PXN: variants seen among roughly 807,000 people sequenced by gnomAD.
The protein encoded by PXN is testicular tissue protein Li 134.
Under a neutral mutation model 103.6 loss-of-function variants are expected in PXN, and 61 were observed. The ratio of observed to expected loss-of-function variants is 0.59; its 90% CI spans 0.48 to 0.73. The LOEUF is 0.73. Ranked by LOEUF, PXN falls within the 30% of genes least tolerant of loss-of-function variation. The pLI is 0.00. For synonymous variants in PXN, 562 were observed against 607.8 expected, an observed-to-expected ratio of 0.92 and a Z score of 1.11; for missense variants, 1,274 against 1,460.3, an observed-to-expected ratio of 0.87 and a Z score of 2.08.
At position 120,214,210 on chromosome 12, in the gene PXN, A is replaced by G. The variant is rs777813484; in HGVS notation, c.2756T>C (p.Val919Ala). 9 of 1,551,618 alleles carry G rather than the reference A, an allele frequency of 5.8e-6. No homozygotes were observed. The East Asian group carries it at 2.0e-4, about 34-fold the overall frequency. The change falls in exon 13 of 15, where the codon GTG becomes GCG. Residue 919 changes from valine to alanine, a missense_variant. Val to Ala is a moderately conservative substitution (Grantham distance 64). Coordinates refer to ENST00000637617, the MANE Select transcript of PXN (RefSeq NM_001385981.1). This position sits in a 1 kb window ranked among gnomAD's most constrained non-coding sequence, Gnocchi z 5.0. The part of the protein sequence containing the change: ...YCNGPILDKV[V>A]TALDRTWHPE... ...GTGCCACGTCCGGTCAAGGGCTGTCACCACTTTCTGTGAAAGCAAAATGTG... is the reference window on the plus strand; with the variant it reads ...GTGCCACGTCCGGTCAAGGGCTGTCGCCACTTTCTGTGAAAGCAAAATGTG...
At position 120,211,784 on chromosome 12, in the gene PXN, G is replaced by C. The variant is rs1424998985; in HGVS notation, c.*530C>G. On this transcript the variant is annotated 3_prime_UTR_variant, in exon 15 of 15. Transcript: ENST00000637617. ...GCACTGGAAGGGTAGGAGGAGCACAGAGAACCTTCCATGGCCCCTTTGGTT... is the reference window on the plus strand; with the variant it reads ...GCACTGGAAGGGTAGGAGGAGCACACAGAACCTTCCATGGCCCCTTTGGTT... 2 of 398,660 alleles carry C rather than the reference G, an allele frequency of 5.0e-6. No homozygotes were observed. The highest frequency in any genetic ancestry group is 2.1e-5 in the African/African-American group (1 of 48,120). 24.7% of individuals were successfully genotyped at this position (398,660 alleles called of 1,614,324 possible).
rs886142498 is a variant in PXN at position 120,214,774 on chromosome 12, G to A, written c.2748+51C>T. On this transcript the variant is annotated intron_variant, in intron 12 of 14. Coordinates refer to ENST00000637617, the MANE Select transcript of PXN (RefSeq NM_001385981.1). The surrounding 1 kb of genome is among the most constrained non-coding windows in gnomAD (Gnocchi z 5.0). Reference sequence around the variant, plus strand: ...ACCCCCTGCATCCTCAGAGGGCTGCGGTGAAGCTGGAATGAGCGGAAGCGG... The same window carrying A: ...ACCCCCTGCATCCTCAGAGGGCTGCAGTGAAGCTGGAATGAGCGGAAGCGG... 12 of 1,603,032 alleles carry A rather than the reference G, an allele frequency of 7.5e-6. No homozygotes were observed. The highest frequency in any genetic ancestry group is 5.0e-5 in the Admixed American group (3 of 59,826).
At chr12:120,231,119 CGGATGAGT>C (rs1400628198) in intron 1 of PXN, among the ~76,000 whole-genome samples, 8 of 152,194 alleles carry the variant, frequency 5.3e-5, no homozygotes, top group Non-Finnish European at 1.0e-4. Flanking sequence ...CCAGGCCCAG[CGGATGAGT>C]GGGGGCCCCT....
Position 120,214,518 on chromosome 12 carries a change from G to A in PXN, c.2749-301C>T, listed in dbSNP as rs1244320765. Among the ~76,000 whole-genome samples the A allele has an allele frequency of 6.6e-6, 1 of 152,198 alleles. No homozygotes were observed. The highest frequency in any genetic ancestry group is 1.5e-5 in the Non-Finnish European group (1 of 68,046). ...CTCAGAGAGGCCAGGCATTTCCTAAGTTCACAGAGAGGGAGAGTGAGGCCG... is the reference window on the plus strand; with the variant it reads ...CTCAGAGAGGCCAGGCATTTCCTAAATTCACAGAGAGGGAGAGTGAGGCCG... On this transcript the variant is annotated intron_variant, in intron 12 of 14. Transcript: ENST00000637617. The surrounding 1 kb of genome is among the most constrained non-coding windows in gnomAD (Gnocchi z 5.0).
chr12:120,226,960 T>C (rs890454184), intron 1 of PXN: 20 of 988,996 alleles, frequency 2.0e-5, no homozygotes, highest in African/African-American at 3.5e-5. Context: ...CCATAGCACA[T>C]TGGAAGCTAC....
intron 1 of PXN, among the ~76,000 whole-genome samples, chr12:120,239,673 C>T (rs961596117): frequency 2.6e-5 from 4 of 152,174 alleles, no homozygotes; most frequent in Non-Finnish European, 5.9e-5. Flanking sequence ...ATTGCTTGAA[C>T]CTGGGAGGCG....
chr12:120,254,039 C>G (rs1030694151), intron 1 of PXN, among the ~76,000 whole-genome samples: 2 of 152,136 alleles, frequency 1.3e-5, no homozygotes, highest in Non-Finnish European at 2.9e-5. Flanking sequence ...TGCCACCACG[C>G]TTGGCTAATT....
In PXN at chr12:120,228,986, G is replaced by A. The variant is rs1054253174; in HGVS notation, c.14-4609C>T. ...CTGACTGAGCGTAATCCTTACAACC[G>A]GTGGGAGCCGCTGGAGGGTTAAGGT... On this transcript the variant is annotated intron_variant, in intron 1 of 14. Coordinates refer to ENST00000637617, the MANE Select transcript of PXN (RefSeq NM_001385981.1). This position sits in a 1 kb window ranked among gnomAD's most constrained non-coding sequence, Gnocchi z 4.7. Among the ~76,000 whole-genome samples the A allele has an allele frequency of 1.3e-5, 2 of 152,130 alleles. No individual in the cohort carries two copies. Among genetic ancestry groups the A allele is most frequent in the South Asian group, 2.1e-4 (1 of 4,834 alleles).
In PXN at chr12:120,219,143, A is replaced by G; in HGVS notation, c.1716+64T>C. 1 of 1,420,102 alleles carries G rather than the reference A, an allele frequency of 7.0e-7. No homozygotes were observed. Among genetic ancestry groups the G allele is most frequent in the Non-Finnish European group, 9.3e-7 (1 of 1,075,018 alleles). The allele number at this position is 1,420,102 out of a possible 1,614,324, so 88.0% of individuals were successfully genotyped here. The stretch of plus-strand genomic sequence containing the variant: ...AGTGGGAGGCTGCATGCAGTTAGCG[A>G]GGAGCGGCCCACACTCAGACCCGCC... On this transcript the variant is annotated intron_variant, in intron 7 of 14. Transcript: ENST00000637617. The surrounding 1 kb of genome is among the most constrained non-coding windows in gnomAD (Gnocchi z 6.5).
In PXN at chr12:120,224,384, AGAG is replaced by A. The variant is rs752498590; in HGVS notation, c.14-10_14-8del. The A allele has an allele frequency of 2.5e-6, 4 of 1,609,246 alleles. No individual in the cohort carries two copies. Among genetic ancestry groups the A allele is most frequent in the African/African-American group, 1.3e-5 (1 of 74,820 alleles). On this transcript the variant is annotated splice_region_variant and splice_polypyrimidine_tract_variant and intron_variant, in intron 1 of 14. Transcript: ENST00000637617. The surrounding 1 kb of genome is among the most constrained non-coding windows in gnomAD (Gnocchi z 5.0). ...AAGTCCGCCAGCAGGGCGTCTGCAA[AGAG>A]AAGGCACGGGTAGCAGGTGAGAACC...
intron 1 of PXN, among the ~76,000 whole-genome samples, chr12:120,255,440 G>A (rs1271937480): frequency 6.6e-6 from 1 of 152,212 alleles, no homozygotes; most frequent in African/African-American, 2.4e-5. Flanking sequence ...GCTCACACCT[G>A]TAATCCCAGC....
chr12:120,244,834 T>TA (rs1418501953), intron 1 of PXN, among the ~76,000 whole-genome samples: 2 of 149,846 alleles, frequency 1.3e-5, no homozygotes, highest in Non-Finnish European at 3.0e-5. Flanking sequence ...AACAAATAAA[T>TA]AAATAAAATA....
chr12:120,216,388 C>G lies in PXN; in HGVS notation c.2186G>C (p.Gly729Ala). Residue 729 changes from glycine (G) to alanine (A), a missense_variant, in exon 9 of 15, where the codon GGG becomes GCG. Gly to Ala is a moderately conservative substitution (Grantham distance 60). Transcript: ENST00000637617. This position sits in a 1 kb window ranked among gnomAD's most constrained non-coding sequence, Gnocchi z 5.1. ...TCGSSGVQSA[G>A]EEPHDEGVQG... Reference sequence around the variant, plus strand: ...CACCCCCTCATCATGGGGCTCTTCCCCTGCACTCTGGACCCCAGAAGAACC... The same window carrying G: ...CACCCCCTCATCATGGGGCTCTTCCGCTGCACTCTGGACCCCAGAAGAACC... 7.5e-7 allele frequency: 1 copy of G among 1,339,376 alleles called. No individual in the cohort carries two copies. The highest frequency in any genetic ancestry group is 9.5e-7 in the Non-Finnish European group (1 of 1,052,450). The allele number at this position is 1,339,376 out of a possible 1,614,324, so 83.0% of individuals were successfully genotyped here.
At chr12:120,239,535 T>C (rs890752528) in intron 1 of PXN, among the ~76,000 whole-genome samples, 12 of 151,792 alleles carry the variant, frequency 7.9e-5, no homozygotes, top group Non-Finnish European at 1.5e-4. Flanking sequence ...TGAGCCAGTA[T>C]CGTGCCACTG....
At chr12:120,257,444 C>T (rs755550594) in intron 1 of PXN, among the ~76,000 whole-genome samples, 1 of 152,196 alleles carries the variant, frequency 6.6e-6, no homozygotes, top group African/African-American at 2.4e-5. Flanking sequence ...TGGCCAGCCT[C>T]GGCATCTCTG....
chr12:120,236,570 C>T (rs185669464), intron 1 of PXN, among the ~76,000 whole-genome samples: 13 of 151,112 alleles, frequency 8.6e-5, no homozygotes, highest in African/African-American at 1.9e-4. Context: ...CTCTGCCTCC[C>T]GGGTTCAAGC....
chr12:120,254,704 C>G (rs552960826), intron 1 of PXN, among the ~76,000 whole-genome samples: 1 of 152,130 alleles, frequency 6.6e-6, no homozygotes, highest in South Asian at 2.1e-4. Context: ...GCACGTGCCA[C>G]CACGCCCAGC....
At chr12:120,259,259 G>A (rs1027131448) in intron 1 of PXN, among the ~76,000 whole-genome samples, 4 of 151,882 alleles carry the variant, frequency 2.6e-5, no homozygotes, top group Non-Finnish European at 5.9e-5. Context: ...GGGTGTGGTG[G>A]CATGCACCCA....
rs567257580 is a variant in PXN at position 120,256,573 on chromosome 12, G to T, written c.13+9044C>A. On this transcript the variant is annotated intron_variant, in intron 1 of 14. Transcript: ENST00000637617. Reference sequence around the variant, plus strand: ...AAAGGGGGTAGAAAGATGGGGACGTGGGGGGTGGAGTAAAGCGTGAGCAAA... The same window carrying T: ...AAAGGGGGTAGAAAGATGGGGACGTTGGGGGTGGAGTAAAGCGTGAGCAAA... 7.9e-5 allele frequency among the ~76,000 whole-genome samples: 12 copies of T among 152,144 alleles called. No individual in the cohort carries two copies. The South Asian group carries it at 2.5e-3, about 32-fold the overall frequency.
Sources: allele counts gnomAD v4.1 joint callset (sites outside exome capture counted in the v4.1 genomes callset), GRCh38; gene constraint gnomAD v4.1.1; non-coding constraint Gnocchi (gnomAD v3.1); transcripts MANE v1.5; gene names NCBI Gene and HGNC (gene_info 2026-07-23, HGNC 2026-07-21).